Variants in CFTR observed in about 807,000 individuals in gnomAD.
CFTR encodes the protein cystic fibrosis transmembrane conductance regulator.
In CFTR, 181 loss-of-function variants were observed where a neutral mutation model predicts 171.6. The observed-to-expected ratio is 1.05, with a 90% CI of 0.93 to 1.19. The LOEUF (loss-of-function observed/expected upper bound fraction) is 1.19, where lower values mean the gene tolerates loss of function less well. Among genes scored for constraint, CFTR ranks in the 50% most tolerant of loss-of-function variants. The pLI is 0.00. For synonymous variants in CFTR, 583 were observed against 608.0 expected (o/e 0.96, Z 0.60); for missense variants, 1,968 against 1,734.7 (o/e 1.13, Z -2.39).
chr7:117,621,322 G>A (rs1156717159), intron 21 of CFTR, among the ~76,000 whole-genome samples: 2 of 152,146 alleles, frequency 1.3e-5, no homozygotes, highest in African/African-American at 2.4e-5. Context: ...CATAGCAGAG[G>A]GCTCAGCAAA....
chr7:117,596,022 C>G (rs1213415060), intron 15 of CFTR, among the ~76,000 whole-genome samples: 1 of 152,252 alleles, frequency 6.6e-6, no homozygotes, highest in Non-Finnish European at 1.5e-5. Context: ...CTCAGGGCCT[C>G]CTTGACCTTG....
Position 117,587,801 on chromosome 7 carries a change from T to C in CFTR, c.1647T>C (p.Ser549=), listed in dbSNP as rs121909005. The change falls in exon 12 of 27, where the codon AGT becomes AGC. Residue 549 remains serine, a synonymous_variant. Coordinates refer to ENST00000003084, the MANE Select transcript of CFTR (RefSeq NM_000492.4). ...TTGGAGAAGGTGGAATCACACTGAG[T>C]GGAGGTCAACGAGCAAGAATTTCTT... ...IVLGEGGITL[S]GGQRARISLA... 1.2e-6 allele frequency: 2 copies of C among 1,610,932 alleles called. No homozygotes were observed. Among genetic ancestry groups the C allele is most frequent in the Admixed American group, 1.7e-5 (1 of 59,896 alleles).
chr7:117,567,702 C>A (rs1791624738), intron 11 of CFTR, among the ~76,000 whole-genome samples: 1 of 152,150 alleles, frequency 6.6e-6, no homozygotes, highest in African/African-American at 2.4e-5. Flanking sequence ...GCAAAGATAT[C>A]ATTCGGTAAA....
At chr7:117,609,113 G>A (rs776035347) in intron 18 of CFTR, among the ~76,000 whole-genome samples, 10 of 151,974 alleles carry the variant, frequency 6.6e-5, no homozygotes, top group Admixed American at 1.3e-4. Flanking sequence ...TCTGTTCTTT[G>A]CTTCTTTGAG....
At chr7:117,552,293 C>A (rs1251983507) in intron 10 of CFTR, among the ~76,000 whole-genome samples, 1 of 151,808 alleles carries the variant, frequency 6.6e-6, no homozygotes, top group African/African-American at 2.4e-5. Context: ...TGTGTCTGGT[C>A]CAATATGCAT....
At position 117,652,862 on chromosome 7, in the gene CFTR, A is replaced by G. The variant is rs1199541736; in HGVS notation, c.3894A>G (p.Gly1298=). The G allele has an allele frequency of 6.4e-7, 1 of 1,566,940 alleles. No homozygotes were observed. The highest frequency in any genetic ancestry group is 1.1e-5 in the South Asian group (1 of 89,134). ...TATAGAAAGTATTTATTTTTTCTGG[A>G]ACATTTAGAAAAAACTTGGATCCCT... is the stretch of plus-strand genomic sequence containing the variant. ...VIPQKVFIFS[G]TFRKNLDPYE... The change falls in exon 24 of 27, where the codon GGA becomes GGG. Residue 1298 remains glycine (G), a synonymous_variant. Coordinates refer to ENST00000003084, the MANE Select transcript of CFTR (RefSeq NM_000492.4).
intron 1 of CFTR, among the ~76,000 whole-genome samples, chr7:117,500,890 C>T (rs993208385): frequency 6.6e-6 from 1 of 152,092 alleles, no homozygotes; most frequent in African/African-American, 2.4e-5. Flanking sequence ...AACGATGTGT[C>T]ATGGTGTAAC....
Position 117,531,130 on chromosome 7 carries a change from A to G in CFTR, c.489+16A>G. ...TTATAAGAAGGTAATACTTCCTTGC[A>G]CAGGCCCCATGGCACATATATTCTG... On this transcript the variant is annotated intron_variant, in intron 4 of 26. Coordinates refer to ENST00000003084, the MANE Select transcript of CFTR (RefSeq NM_000492.4). 6.4e-7 allele frequency: 1 copy of G among 1,569,194 alleles called. No homozygotes were observed. Among genetic ancestry groups the G allele is most frequent in the Non-Finnish European group, 8.8e-7 (1 of 1,141,668 alleles).
chr7:117,565,310 G>A (rs765956083), intron 11 of CFTR, among the ~76,000 whole-genome samples: 63 of 152,258 alleles, frequency 4.1e-4, no homozygotes, highest in Middle Eastern at 3.4e-3. Context: ...TATTAAAAGG[G>A]GGACAGAGTA....
intron 23 of CFTR, among the ~76,000 whole-genome samples, chr7:117,646,705 A>G (rs1376175554): frequency 6.6e-6 from 1 of 151,924 alleles, no homozygotes; most frequent in African/African-American, 2.4e-5. Flanking sequence ...GAGCTAGGAA[A>G]CTCTCCAGCT....
chr7:117,556,543 G>A (rs1287764859), intron 10 of CFTR, among the ~76,000 whole-genome samples: 5 of 113,208 alleles, frequency 4.4e-5, no homozygotes, highest in East Asian at 2.6e-4. Flanking sequence ...TTTTTGAGAC[G>A]GAGTCTCGCT....
intron 1 of CFTR, among the ~76,000 whole-genome samples, chr7:117,503,680 C>A (rs1798367811): frequency 6.6e-6 from 1 of 152,134 alleles, no homozygotes; most frequent in African/African-American, 2.4e-5. Flanking sequence ...AAGTTATGAT[C>A]CTACCCTCAG....
At chr7:117,588,904 C>A (rs1016191919) in intron 12 of CFTR, among the ~76,000 whole-genome samples, 8 of 152,034 alleles carry the variant, frequency 5.3e-5, no homozygotes, top group African/African-American at 1.7e-4. Context: ...TCAATAGATA[C>A]GGATAATTCA....
At chr7:117,528,528 A>C (rs1421661244) in intron 3 of CFTR, among the ~76,000 whole-genome samples, 1 of 99,282 alleles carries the variant, frequency 1.0e-5, no homozygotes, top group Non-Finnish European at 2.0e-5. Flanking sequence ...ATCTAATTAA[A>C]CTAAAGAGCT....
intron 14 of CFTR, among the ~76,000 whole-genome samples, chr7:117,593,821 C>T (rs1482184382): frequency 2.0e-5 from 3 of 152,114 alleles, no homozygotes; most frequent in Non-Finnish European, 4.4e-5. Flanking sequence ...GTCTTGAACT[C>T]CTGACCTTGT....
chr7:117,601,173 T>A (rs948955232), intron 15 of CFTR, among the ~76,000 whole-genome samples: 1 of 152,046 alleles, frequency 6.6e-6, no homozygotes, highest in African/African-American at 2.4e-5. Context: ...AATAGCCAAA[T>A]AAAGAGTGAC....
At chr7:117,616,944 CT>C (rs979219614) in intron 21 of CFTR, among the ~76,000 whole-genome samples, 1 of 152,072 alleles carries the variant, frequency 6.6e-6, no homozygotes, top group African/African-American at 2.4e-5. Flanking sequence ...TATACAGTAA[CT>C]TTTTTGTTTT....
chr7:117,587,896 A>G, intron 12 of CFTR, 63 bp downstream of exon 12: 4 of 1,030,548 alleles, frequency 3.9e-6, no homozygotes, highest in Non-Finnish European at 6.1e-6. Flanking sequence ...TAAAAAAATT[A>G]CAGACATTTC....
At chr7:117,581,693 G>T (rs1285824366) in intron 11 of CFTR, among the ~76,000 whole-genome samples, 2 of 152,072 alleles carry the variant, frequency 1.3e-5, no homozygotes, top group African/African-American at 4.8e-5. Flanking sequence ...AGGTCATTTT[G>T]CTCTTTGACT....
Sources: gnomAD v4.1 joint callset for allele counts (sites outside exome capture counted in the v4.1 genomes callset) on GRCh38, gnomAD v4.1.1 for gene constraint, MANE v1.5 for transcripts, NCBI Gene and HGNC (gene_info 2026-07-23, HGNC 2026-07-21) for gene names.